DDC: variants seen among roughly 807,000 people sequenced by gnomAD.
The protein encoded by DDC is aromatic-L-amino-acid decarboxylase.
A neutral mutation model predicts 60.0 loss-of-function variants in DDC; 43 were observed. That is an observed-to-expected ratio of 0.72 (90% CI 0.56 to 0.92). The LOEUF is 0.92. DDC is among the 40% of genes least tolerant of loss of function. The pLI, the probability that DDC is intolerant of heterozygous loss-of-function variation, is 0.00. For missense variants in DDC, 573 were observed against 620.2 expected (o/e 0.92, Z 0.81); for synonymous variants, 232 against 234.6 (o/e 0.99, Z 0.10).
At chr7:50,499,897 GCTCC>G (rs2043210325) in intron 7 of DDC, among the ~76,000 whole-genome samples, 1 of 152,156 alleles carries the variant, frequency 6.6e-6, no homozygotes, top group South Asian at 2.1e-4. Flanking sequence ...GCTTCCAGTT[GCTCC>G]CCAGCCAAGG....
chr7:50,500,526 T>C (rs1236069631), intron 7 of DDC, among the ~76,000 whole-genome samples: 1 of 152,220 alleles, frequency 6.6e-6, no homozygotes, highest in African/African-American at 2.4e-5. Context: ...CCATGATTAC[T>C]GAGTGACTCC....
intron 3 of DDC, among the ~76,000 whole-genome samples, 159 bp from the exon 4 acceptor site, chr7:50,538,138 A>G (rs1047175353): frequency 1.2e-4 from 19 of 152,180 alleles, no homozygotes; most frequent in African/African-American, 4.6e-4. Context: ...ACCTAGAATC[A>G]TGCAAGGAGA....
chr7:50,487,602 A>T (rs2042913588), intron 9 of DDC, among the ~76,000 whole-genome samples: 1 of 151,918 alleles, frequency 6.6e-6, no homozygotes, highest in African/African-American at 2.4e-5. Flanking sequence ...ATGACTGTTT[A>T]TGTGTGCTTA....
At chr7:50,501,527 GA>G (rs2043256905) in intron 7 of DDC, among the ~76,000 whole-genome samples, 1 of 152,242 alleles carries the variant, frequency 6.6e-6, no homozygotes, top group South Asian at 2.1e-4. Context: ...GCAATTGGAA[GA>G]AAACCATCTT....
chr7:50,529,231 G>C lies in DDC; in HGVS notation c.547C>G (p.Leu183Val). The C allele has an allele frequency of 6.2e-7, 1 of 1,613,634 alleles. No individual in the cohort carries two copies. ...ACCTGATCGGATGAGTAAGCCACCAGCTTCTCCATGATAGCGGCCTGTGTG... is the reference window on the plus strand; with the variant it reads ...ACCTGATCGGATGAGTAAGCCACCACCTTCTCCATGATAGCGGCCTGTGTG... The part of the protein sequence containing the change: ...ELTQAAIMEK[L>V]VAYSSDQAHS... Residue 183 changes from leucine to valine, a missense_variant, in exon 5 of 15, where the codon CTG becomes GTG. Transcript: ENST00000444124.
At chr7:50,543,857 T>C (rs1563044207) in intron 2 of DDC, 28 bp downstream of exon 2, 5 of 1,608,914 alleles carry the variant, frequency 3.1e-6, no homozygotes, top group Non-Finnish European at 4.3e-6. Flanking sequence ...CTAGCCCTCC[T>C]GTTTTCTGAC....
intron 10 of DDC, among the ~76,000 whole-genome samples, chr7:50,478,610 C>T (rs1351318804): frequency 6.6e-6 from 1 of 152,094 alleles, no homozygotes; most frequent in Non-Finnish European, 1.5e-5. Flanking sequence ...AAGAACTGGC[C>T]CAGTTAGAAG....
chr7:50,563,310 A>G (rs751550157), intron 1 of DDC, among the ~76,000 whole-genome samples: 1 of 152,198 alleles, frequency 6.6e-6, no homozygotes, highest in African/African-American at 2.4e-5. Context: ...TGACATTTGC[A>G]TAATGCCACT....
chr7:50,511,186 A>G (rs1433216108), intron 6 of DDC, among the ~76,000 whole-genome samples: 1 of 151,494 alleles, frequency 6.6e-6, no homozygotes, highest in Non-Finnish European at 1.5e-5. Flanking sequence ...GTGAATTCCT[A>G]TTAAATAAAT....
intron 11 of DDC, among the ~76,000 whole-genome samples, chr7:50,474,049 C>T (rs906844365): frequency 6.6e-6 from 1 of 152,146 alleles, no homozygotes; most frequent in Non-Finnish European, 1.5e-5. Context: ...TGAAAGAGAC[C>T]CAGGTCTCAC....
chr7:50,548,265 G>A (rs2044871037), intron 1 of DDC, among the ~76,000 whole-genome samples: 1 of 152,186 alleles, frequency 6.6e-6, no homozygotes, highest in South Asian at 2.1e-4. Flanking sequence ...AGGAAGAGTA[G>A]GTAGTATGTC....
At chr7:50,561,938 G>A (rs773523739) in intron 1 of DDC, among the ~76,000 whole-genome samples, 12 of 151,864 alleles carry the variant, frequency 7.9e-5, no homozygotes, top group Non-Finnish European at 8.8e-5. Context: ...CACTACACAC[G>A]TACAATAGCA....
intron 6 of DDC, among the ~76,000 whole-genome samples, chr7:50,506,019 G>T (rs556969781): frequency 5.3e-5 from 8 of 152,228 alleles, no homozygotes; most frequent in Non-Finnish European, 1.0e-4. Context: ...GAGGGGTGGG[G>T]GAAAAACAGC....
At chr7:50,497,183 T>C (rs553681782) in intron 8 of DDC, among the ~76,000 whole-genome samples, 3 of 150,800 alleles carry the variant, frequency 2.0e-5, no homozygotes, top group East Asian at 3.9e-4. Context: ...CCTCCTTATC[T>C]GCCCCACTGA....
chr7:50,461,461 A>G (rs2042271428), intron 14 of DDC, among the ~76,000 whole-genome samples: 1 of 152,180 alleles, frequency 6.6e-6, no homozygotes, highest in Admixed American at 6.5e-5. Flanking sequence ...ATTGAATTTC[A>G]TTTTTACCTT....
chr7:50,536,367 C>A (rs2044412367), intron 4 of DDC, among the ~76,000 whole-genome samples: 1 of 152,208 alleles, frequency 6.6e-6, no homozygotes, highest in Non-Finnish European at 1.5e-5. Flanking sequence ...CCACCTTGGG[C>A]ACATGTAGTC....
At chr7:50,477,577 C>T (rs949287066) in intron 10 of DDC, 1 of 456,354 alleles carries the variant, frequency 2.2e-6, no homozygotes, top group Non-Finnish European at 4.4e-6. Flanking sequence ...ACAGGAGTGC[C>T]TACATTGTAT....
intron 12 of DDC, among the ~76,000 whole-genome samples, chr7:50,468,232 G>A (rs2042443978): frequency 6.6e-6 from 1 of 152,214 alleles, no homozygotes; most frequent in South Asian, 2.1e-4. Flanking sequence ...CGGCCTCATG[G>A]GCGATCCCGA....
chr7:50,471,780 C>A (rs965759747), intron 11 of DDC, among the ~76,000 whole-genome samples: 1 of 152,160 alleles, frequency 6.6e-6, no homozygotes, highest in African/African-American at 2.4e-5. Context: ...TGCTCAAGAA[C>A]TAAGCTAACT....
Sources: gnomAD v4.1 joint callset for allele counts (sites outside exome capture counted in the v4.1 genomes callset) on GRCh38, gnomAD v4.1.1 for gene constraint, MANE v1.5 for transcripts, NCBI Gene and HGNC (gene_info 2026-07-23, HGNC 2026-07-21) for gene names.